The following KALRN variants were observed in gnomAD, a reference collection of about 807,000 sequenced individuals.
The protein encoded by KALRN is kalirin.
KALRN carries 70 observed loss-of-function variants against 353.7 expected under a neutral mutation model. The ratio of observed to expected loss-of-function variants is 0.20; its 90% CI spans 0.16 to 0.24. KALRN has a LOEUF of 0.24. Ranked by LOEUF, KALRN falls within the 10% of genes least tolerant of loss-of-function variation. The pLI, the probability that KALRN is intolerant of heterozygous loss-of-function variation, is 1.00. For synonymous variants in KALRN, 1,391 were observed against 1,434.8 expected, an observed-to-expected ratio of 0.97 and a Z score of 0.69; for missense variants, 2,791 against 3,756.7, an observed-to-expected ratio of 0.74 and a Z score of 6.72.
At chr3:124,219,339 A>G (rs1195317609) in intron 1 of KALRN, among the ~76,000 whole-genome samples, 1 of 152,224 alleles carries the variant, frequency 6.6e-6, no homozygotes, top group African/African-American at 2.4e-5. Flanking sequence ...TTGAGCAGTT[A>G]GGGCAGGCAC....
intron 58 of KALRN, among the ~76,000 whole-genome samples, chr3:124,715,923 T>C (rs986202924): frequency 4.6e-5 from 7 of 152,300 alleles, no homozygotes; most frequent in Middle Eastern, 3.4e-3. Flanking sequence ...CACTCCATCC[T>C]TGCACAATCC....
chr3:124,302,843 C>CG (rs2077373611), intron 6 of KALRN, among the ~76,000 whole-genome samples: 1 of 151,878 alleles, frequency 6.6e-6, no homozygotes, highest in Non-Finnish European at 1.5e-5. Flanking sequence ...GAGCACACAC[C>CG]CTGGTATCTC....
At position 124,660,906 on chromosome 3, in the gene KALRN, C is replaced by T. The variant is rs749351693; in HGVS notation, c.6217-17C>T. 6 of 1,596,568 alleles carry T rather than the reference C, an allele frequency of 3.8e-6. No homozygotes were observed. Among genetic ancestry groups the T allele is most frequent in the South Asian group, 1.1e-5 (1 of 90,720 alleles). On this transcript the variant is annotated splice_polypyrimidine_tract_variant and intron_variant, in intron 43 of 59. Coordinates refer to ENST00000682506, the MANE Select transcript of KALRN (RefSeq NM_001388419.1). ...TTACCCCTTCCCACACTCTTGCCTG[C>T]TTCCCCTACTTGTTAGGACTTCCTG...
chr3:124,059,327 T>G (rs1447129272), intron 1 of KALRN, among the ~76,000 whole-genome samples: 1 of 152,230 alleles, frequency 6.6e-6, no homozygotes, highest in African/African-American at 2.4e-5. Flanking sequence ...CAACATGATG[T>G]TTTGAAATTG....
intron 9 of KALRN, among the ~76,000 whole-genome samples, chr3:124,337,941 T>G (rs893158063): frequency 6.6e-6 from 1 of 152,238 alleles, no homozygotes; most frequent in Non-Finnish European, 1.5e-5. Context: ...TTTATAGTAT[T>G]CTCTGATAAT....
intron 1 of KALRN, among the ~76,000 whole-genome samples, chr3:124,206,483 G>A (rs2076423861): frequency 6.6e-6 from 1 of 152,196 alleles, no homozygotes; most frequent in South Asian, 2.1e-4. Flanking sequence ...AATGAGCTTG[G>A]TAAGCATCTG....
At chr3:124,152,105 C>A in intron 1 of KALRN, 4 of 1,257,548 alleles carry the variant, frequency 3.2e-6, no homozygotes, top group Non-Finnish European at 4.6e-6. Context: ...TTCTTTGAAG[C>A]GTTTTCCAAC....
rs560883351 is a variant in KALRN at position 124,491,073 on chromosome 3, GTTC to G, written c.4587+195_4587+197del. Among the ~76,000 whole-genome samples the G allele has an allele frequency of 3.1e-3, 471 of 152,250 alleles. 3 individuals carry two copies. The highest frequency in any genetic ancestry group is 3.9e-3 in the Non-Finnish European group (263 of 68,010). On this transcript the variant is annotated intron_variant, in intron 30 of 59. Transcript: ENST00000682506. ...CCACGTCTGCATTGTAGAGTTCACA[GTTC>G]TTCTTTCTGTTTGCTTTTAGCACCT...
At chr3:124,603,341 G>T (rs1044803171) in intron 34 of KALRN, among the ~76,000 whole-genome samples, 2 of 152,150 alleles carry the variant, frequency 1.3e-5, no homozygotes, top group African/African-American at 4.8e-5. Flanking sequence ...GCCTCCTCCT[G>T]GTAGCCTTGG....
intron 33 of KALRN, among the ~76,000 whole-genome samples, chr3:124,537,982 A>C (rs559474182): frequency 2.7e-4 from 41 of 152,398 alleles, no homozygotes; most frequent in African/African-American, 8.4e-4. Flanking sequence ...AGGAATCAAA[A>C]AAGAAACAAG....
intron 34 of KALRN, among the ~76,000 whole-genome samples, chr3:124,594,880 G>A (rs1295027238): frequency 6.6e-6 from 1 of 151,932 alleles, no homozygotes; most frequent in Non-Finnish European, 1.5e-5. Context: ...CTCACCCTGG[G>A]GCCTTCTCAT....
At chr3:124,460,649 G>A (rs2059764485) in intron 23 of KALRN, among the ~76,000 whole-genome samples, 1 of 152,156 alleles carries the variant, frequency 6.6e-6, no homozygotes, top group African/African-American at 2.4e-5. Flanking sequence ...AATTCTGTGT[G>A]ATCAGCTATT....
chr3:124,696,914 T>C (rs1273208921), intron 54 of KALRN, among the ~76,000 whole-genome samples: 1 of 152,144 alleles, frequency 6.6e-6, no homozygotes, highest in East Asian at 1.9e-4. Context: ...TATCAATTTG[T>C]GTTACTCAAA....
At chr3:124,046,315 G>A (rs759162060) in intron 1 of KALRN, among the ~76,000 whole-genome samples, 2 of 152,160 alleles carry the variant, frequency 1.3e-5, no homozygotes, top group Non-Finnish European at 2.9e-5. Context: ...GAGATTTCTG[G>A]GCAAAGAGGT....
At chr3:124,564,925 C>T (rs1031218355) in intron 34 of KALRN, among the ~76,000 whole-genome samples, 5 of 152,174 alleles carry the variant, frequency 3.3e-5, no homozygotes, top group African/African-American at 1.2e-4. Flanking sequence ...TTGTAACTGG[C>T]CAGATAATCA....
At chr3:124,578,426 A>C (rs1204220223) in intron 34 of KALRN, among the ~76,000 whole-genome samples, 1 of 152,224 alleles carries the variant, frequency 6.6e-6, no homozygotes, top group African/African-American at 2.4e-5. Context: ...GGAGCATGGC[A>C]GGCAGTGGAA....
intron 17 of KALRN, among the ~76,000 whole-genome samples, chr3:124,436,275 A>G (rs1364610904): frequency 6.6e-6 from 1 of 152,212 alleles, no homozygotes; most frequent in Non-Finnish European, 1.5e-5. Context: ...ACCTTGCCGA[A>G]GGTTACTTTA....
chr3:124,540,011 G>C (rs1315388691), intron 33 of KALRN, among the ~76,000 whole-genome samples: 1 of 151,958 alleles, frequency 6.6e-6, no homozygotes, highest in Non-Finnish European at 1.5e-5. Context: ...CCAGGTTCAA[G>C]CGATTCTCCT....
At chr3:124,412,929 C>A (rs967771894) in intron 13 of KALRN, among the ~76,000 whole-genome samples, 3 of 152,296 alleles carry the variant, frequency 2.0e-5, no homozygotes, top group Admixed American at 6.5e-5. Flanking sequence ...GGGCCATTCA[C>A]CAGGTTTTTC....
Sources: gnomAD v4.1 joint callset for allele counts (sites outside exome capture counted in the v4.1 genomes callset) on GRCh38, gnomAD v4.1.1 for gene constraint, MANE v1.5 for transcripts, NCBI Gene and HGNC (gene_info 2026-07-23, HGNC 2026-07-21) for gene names.